Variants in ZNF608 observed in about 807,000 individuals in gnomAD.
ZNF608 encodes the protein renal carcinoma antigen NY-REN-36.
In ZNF608, 12 loss-of-function variants were observed where a neutral mutation model predicts 109.0. The ratio of observed to expected loss-of-function variants is 0.11; its 90% CI spans 0.07 to 0.18. The LOEUF (loss-of-function observed/expected upper bound fraction) is 0.18, where lower values mean the gene tolerates loss of function less well. Among genes scored for constraint, ZNF608 ranks in the 10% least tolerant of loss-of-function variants. The pLI, the probability that ZNF608 is intolerant of heterozygous loss-of-function variation, is 1.00. For missense variants in ZNF608, 1,707 were observed against 1,879.3 expected (o/e 0.91, Z 1.70); for synonymous variants, 732 against 717.4 (o/e 1.02, Z -0.33).
rs755561532 is a variant in ZNF608 at position 124,642,692 on chromosome 5, C to CTTT, written c.4296+816_4296+818dup. On this transcript the variant is annotated intron_variant, in intron 7 of 9. Transcript: ENST00000513986. ...CATTTTGAACCAGATTTTCTATTGTCTTTTTTTTTTTTTTTTTTTTTTTTG... is the reference window on the plus strand; with the variant it reads ...CATTTTGAACCAGATTTTCTATTGTCTTTTTTTTTTTTTTTTTTTTTTTTTTTG... Among the ~76,000 whole-genome samples, 164 of 95,278 alleles carry CTTT rather than the reference C, an allele frequency of 1.7e-3. 1 individual carries two copies. The highest frequency in any genetic ancestry group is 8.6e-3 in the Middle Eastern group (1 of 116). The allele number at this position is 95,278 out of a possible 152,430, so 62.5% of individuals were successfully genotyped here. A position where few individuals can be genotyped will look rare whatever the true frequency, so the allele number is the denominator to read the frequency against.
rs1561536686 is a variant in ZNF608 at position 124,649,607 on chromosome 5, T to C, written c.1250+3A>G. 3 of 1,610,634 alleles carry C rather than the reference T, an allele frequency of 1.9e-6. No homozygotes were observed. The highest frequency in any genetic ancestry group is 2.2e-5 in the East Asian group (1 of 44,832). On this transcript the variant is annotated splice_donor_region_variant and intron_variant, in intron 4 of 9. Transcript: ENST00000513986. ...GGAGAGAAATAAAAGGCCCTGTTCA[T>C]ACCTGGGAGGGGCCCAGTCGTGCTT...
chr5:124,746,159 T>TAC (rs1247637957), intron 1 of ZNF608, 36 bp downstream of exon 1: 6 of 984,756 alleles, frequency 6.1e-6, no homozygotes, highest in Non-Finnish European at 7.2e-6. Context: ...TAAATATACA[T>TAC]ACACACACAC....
chr5:124,661,987 A>G (rs1751283392), intron 3 of ZNF608, among the ~76,000 whole-genome samples: 1 of 152,164 alleles, frequency 6.6e-6, no homozygotes, highest in African/African-American at 2.4e-5. Flanking sequence ...TGGACACTTA[A>G]TAGTTTCCGA....
chr5:124,641,369 C>T lies in ZNF608; in HGVS notation c.4333G>A (p.Ala1445Thr). The change falls in exon 8 of 10, where the codon GCA (alanine) becomes ACA (threonine). Residue 1445 changes from alanine (A) to threonine (T), a missense_variant. Ala to Thr is a moderately conservative substitution (Grantham distance 58). This residue lies in a region of ZNF608 where 1,073 missense variants were observed against 1,133.5 expected (regional missense o/e 0.95). Transcript: ENST00000513986. ...GAGTGGCGATCCCTTTCCCTTTCTGCCTCCCGTTCCCGCTCAGCTGTAGCC... is the reference window on the plus strand; with the variant it reads ...GAGTGGCGATCCCTTTCCCTTTCTGTCTCCCGTTCCCGCTCAGCTGTAGCC... ...EKATAEREREAERERDRHSPF... is the reference protein window; with the variant it reads ...EKATAERERETERERDRHSPF... 3 of 1,614,036 alleles carry T rather than the reference C, an allele frequency of 1.9e-6. No individual in the cohort carries two copies. Among genetic ancestry groups the T allele is most frequent in the Non-Finnish European group, 2.5e-6 (3 of 1,179,982 alleles).
At chr5:124,645,117 A>G (rs73296618) in intron 5 of ZNF608, among the ~76,000 whole-genome samples, 2,069 of 152,348 alleles carry the variant, frequency 0.014, 43 homozygotes, top group African/African-American at 0.046. Context: ...TAGTAAATTT[A>G]AGTAATTGCT....
chr5:124,643,518 G>C lies in ZNF608; in HGVS notation c.4289C>G (p.Ser1430Cys), dbSNP rs771814553. 6.2e-7 allele frequency: 1 copy of C among 1,613,990 alleles called. No individual in the cohort carries two copies. The highest frequency in any genetic ancestry group is 8.5e-7 in the Non-Finnish European group (1 of 1,179,900). The change falls in exon 7 of 10, where the codon TCT becomes TGT. Residue 1430 changes from serine to cysteine, a missense_variant. Coordinates refer to ENST00000513986, the MANE Select transcript of ZNF608 (RefSeq NM_020747.3). ...QQHANQYRSK[S>C]PAPVEKATAE... The stretch of plus-strand genomic sequence containing the variant: ...CAACAAAAGGAGGCTTACAGCAGGA[G>C]ACTTGCTGCGGTATTGGTTAGCATG...
chr5:124,745,062 C>T lies in ZNF608; in HGVS notation c.-73G>A. 3.3e-6 allele frequency: 5 copies of T among 1,513,380 alleles called. 1 individual carries two copies. The South Asian group carries it at 6.8e-5, about 21-fold the overall frequency. The allele number at this position is 1,513,380 out of a possible 1,614,324, so 93.7% of individuals were successfully genotyped here. On this transcript the variant is annotated 5_prime_UTR_variant, in exon 2 of 10. Transcript: ENST00000513986. ...GAGATGAGGGGACATTCGTTTATCT[C>T]CGCTGGGCTTTCTCTCAAAGAAAAA...
chr5:124,727,879 A>G (rs977648103), intron 2 of ZNF608, among the ~76,000 whole-genome samples: 1 of 151,910 alleles, frequency 6.6e-6, no homozygotes, highest in Non-Finnish European at 1.5e-5. Flanking sequence ...AGCTGGGATT[A>G]CAGGCATGTG....
intron 3 of ZNF608, among the ~76,000 whole-genome samples, chr5:124,659,230 G>A (rs1048449931): frequency 6.6e-6 from 1 of 151,750 alleles, no homozygotes; most frequent in Non-Finnish European, 1.5e-5. Context: ...AAAAAAACAG[G>A]TAAAGAGAAC....
intron 3 of ZNF608, among the ~76,000 whole-genome samples, chr5:124,689,971 C>G (rs1299096187): frequency 6.6e-6 from 1 of 152,150 alleles, no homozygotes; most frequent in Non-Finnish European, 1.5e-5. Context: ...TGGAAGTTAC[C>G]AAGATGTCTT....
intron 3 of ZNF608, among the ~76,000 whole-genome samples, chr5:124,677,477 G>A (rs529164908): frequency 2.6e-4 from 40 of 152,214 alleles, no homozygotes; most frequent in Middle Eastern, 3.4e-3. Context: ...AGCAACATTC[G>A]CGTACAAGGG....
At chr5:124,746,108 TCAGCCC>T in intron 1 of ZNF608, 81 bp downstream of exon 1, 7 of 984,526 alleles carry the variant, frequency 7.1e-6, no homozygotes, top group Non-Finnish European at 8.4e-6. Flanking sequence ...TTTAAAGGGA[TCAGCCC>T]CTTTTTAACA....
chr5:124,722,729 G>A (rs1753983567), intron 2 of ZNF608, among the ~76,000 whole-genome samples: 2 of 152,088 alleles, frequency 1.3e-5, no homozygotes, highest in Non-Finnish European at 2.9e-5. Flanking sequence ...TGAAGCTTTT[G>A]CTAAATGCAT....
intron 3 of ZNF608, among the ~76,000 whole-genome samples, chr5:124,686,396 G>A (rs1017512323): frequency 6.6e-6 from 1 of 152,158 alleles, no homozygotes; most frequent in African/African-American, 2.4e-5. Flanking sequence ...GTCTGCCCTT[G>A]AGTATTCAGA....
intron 2 of ZNF608, among the ~76,000 whole-genome samples, chr5:124,725,452 T>C (rs1754101346): frequency 1.3e-5 from 2 of 151,920 alleles, no homozygotes; most frequent in South Asian, 4.2e-4. Context: ...GTAAACAAAG[T>C]AAGGAATGAA....
At position 124,637,720 on chromosome 5, in the gene ZNF608, A is replaced by G. The variant is rs1580507931; in HGVS notation, c.*180T>C. ...ATATGTATACGTATATATATATAAA[A>G]CAGAAGTTTAATTACAGCAACATTT... On this transcript the variant is annotated 3_prime_UTR_variant, in exon 10 of 10. Coordinates refer to ENST00000513986, the MANE Select transcript of ZNF608 (RefSeq NM_020747.3). 2.0e-5 allele frequency: 9 copies of G among 439,944 alleles called. No individual in the cohort carries two copies. In the East Asian group the frequency reaches 3.6e-4, roughly 17 times the overall value. The allele number at this position is 439,944 out of a possible 1,614,324, so 27.3% of individuals were successfully genotyped here. A position where few individuals can be genotyped will look rare whatever the true frequency, so the allele number is the denominator to read the frequency against.
chr5:124,694,660 G>T lies in ZNF608; in HGVS notation c.1162+6354C>A, dbSNP rs1321286885. On this transcript the variant is annotated intron_variant, in intron 3 of 9. Transcript: ENST00000513986. ...ATATGTATACATGTGCCATGTTGGC[G>T]TGCTGCACCCATTAACTCGTCATTT... Among the ~76,000 whole-genome samples, 5 of 151,896 alleles carry T rather than the reference G, an allele frequency of 3.3e-5. No homozygotes were observed. In the East Asian group the frequency reaches 9.7e-4, roughly 29 times the overall value.
At chr5:124,717,977 T>C (rs1189545540) in intron 2 of ZNF608, among the ~76,000 whole-genome samples, 1 of 152,190 alleles carries the variant, frequency 6.6e-6, no homozygotes, top group Non-Finnish European at 1.5e-5. Context: ...TAAAGCAGAA[T>C]CACACCTTGA....
At position 124,644,312 on chromosome 5, in the gene ZNF608, G is replaced by T. The variant is rs751492238; in HGVS notation, c.4055C>A (p.Pro1352Gln). Reference sequence around the variant, plus strand: ...AGGATGGCTGGGGTCGTACATCTGTGGGTAAGGATAAGCATGCAAGTACTG... The same window carrying T: ...AGGATGGCTGGGGTCGTACATCTGTTGGTAAGGATAAGCATGCAAGTACTG... ...YIQYLHAYPY[P>Q]QMYDPSHPAY... is the part of the protein sequence containing the mutation. Residue 1352 changes from proline to glutamine, a missense_variant, in exon 6 of 10, where the codon CCA becomes CAA. Coordinates refer to ENST00000513986, the MANE Select transcript of ZNF608 (RefSeq NM_020747.3). The T allele has an allele frequency of 1.9e-6, 3 of 1,614,130 alleles. No homozygotes were observed. In the South Asian group the frequency reaches 3.3e-5, roughly 18 times the overall value.
Sources: allele counts gnomAD v4.1 joint callset (sites outside exome capture counted in the v4.1 genomes callset), GRCh38; gene constraint gnomAD v4.1.1; regional missense constraint gnomAD v4.1.1; transcripts MANE v1.5; gene names NCBI Gene and HGNC (gene_info 2026-07-23, HGNC 2026-07-21).